Variants in NYAP2 observed in about 807,000 individuals in gnomAD.
The protein encoded by NYAP2 is neuronal tyrosine-phosphorylated phosphoinositide-3-kinase adapter 2.
NYAP2 carries 23 observed loss-of-function variants against 50.4 expected under a neutral mutation model. The ratio of observed to expected loss-of-function variants is 0.46; its 90% confidence interval spans 0.33 to 0.65. The LOEUF (loss-of-function observed/expected upper bound fraction) is 0.65. NYAP2 is among the 30% of genes least tolerant of loss of function. The pLI, the probability that NYAP2 is intolerant of heterozygous loss-of-function variation, is 0.02. For missense variants in NYAP2, 885 were observed against 861.0 expected (o/e 1.03, Z -0.35); for synonymous variants, 394 against 365.2 (o/e 1.08, Z -0.90).
chr2:225,431,048 A>G (rs933689273), intron 3 of NYAP2, among the ~76,000 whole-genome samples: 1 of 152,232 alleles, frequency 6.6e-6, no homozygotes, highest in African/African-American at 2.4e-5. Context: ...TCTCCAAATT[A>G]TTACATCATT....
At chr2:225,423,967 T>C (rs1332428120) in intron 3 of NYAP2, among the ~76,000 whole-genome samples, 1 of 152,168 alleles carries the variant, frequency 6.6e-6, no homozygotes, top group Non-Finnish European at 1.5e-5. Flanking sequence ...TTTTCTAAGA[T>C]AAAGATGCAG....
chr2:225,662,538 A>AG, the NYAP2 span, among the ~76,000 whole-genome samples: 1 of 152,372 alleles, frequency 6.6e-6, no homozygotes, highest in East Asian at 1.9e-4. Flanking sequence ...TTAAAGTGGG[A>AG]GGGGGGAACC....
Position 225,622,571 on chromosome 2 carries a change from C to A in NYAP2, c.1619-4346C>A, listed in dbSNP as rs867190914. The stretch of plus-strand genomic sequence containing the variant: ...TTTCTTTCTTTCTTTTTCTTTCTTT[C>A]TTTCTTTCTTCTTTCTTTTTTTTTT... On this transcript the variant is annotated intron_variant, in intron 5 of 6. Coordinates refer to ENST00000636099, the Ensembl canonical transcript of NYAP2. Among the ~76,000 whole-genome samples the A allele has an allele frequency of 3.2e-3, 185 of 57,096 alleles. 2 individuals are homozygous for A. Among genetic ancestry groups the A allele is most frequent in the African/African-American group, 9.7e-3 (180 of 18,478 alleles). The allele number at this position is 57,096 out of a possible 152,430, so 37.5% of individuals were successfully genotyped here.
chr2:225,568,933 T>C (rs1692013443), intron 4 of NYAP2, among the ~76,000 whole-genome samples: 1 of 152,076 alleles, frequency 6.6e-6, no homozygotes. Context: ...AAAAGGGAGA[T>C]AAGAGAAAAG....
intron 4 of NYAP2, among the ~76,000 whole-genome samples, chr2:225,527,939 A>C (rs1019819890): frequency 2.6e-5 from 4 of 152,156 alleles, no homozygotes; most frequent in African/African-American, 7.2e-5. Flanking sequence ...GAGCCACTGC[A>C]CTGGGCCTAA....
chr2:225,649,762 T>C (rs1693697808), intron 6 of NYAP2, among the ~76,000 whole-genome samples: 1 of 152,178 alleles, frequency 6.6e-6, no homozygotes, highest in Non-Finnish European at 1.5e-5. Context: ...TCTGGCAAGT[T>C]CCTGGCACAT....
At chr2:225,425,652 A>G (rs1272815755) in intron 3 of NYAP2, among the ~76,000 whole-genome samples, 2 of 152,210 alleles carry the variant, frequency 1.3e-5, no homozygotes, top group Non-Finnish European at 2.9e-5. Flanking sequence ...GTTTAAAAAT[A>G]CACTTCTTTT....
intron 5 of NYAP2, among the ~76,000 whole-genome samples, chr2:225,624,727 T>TA (rs1305520061): frequency 1.3e-5 from 2 of 152,254 alleles, no homozygotes; most frequent in Non-Finnish European, 2.9e-5. Context: ...TACTACTTTT[T>TA]ATGTGTCTGG....
At chr2:225,659,626 T>C in the NYAP2 span, among the ~76,000 whole-genome samples, 6 of 152,164 alleles carry the variant, frequency 3.9e-5, no homozygotes, top group African/African-American at 1.4e-4. Context: ...AAACCTGAGA[T>C]AGACAAAAAC....
At chr2:225,554,471 C>A (rs576377574) in intron 4 of NYAP2, among the ~76,000 whole-genome samples, 17 of 152,064 alleles carry the variant, frequency 1.1e-4, no homozygotes, top group Admixed American at 9.2e-4. Flanking sequence ...CAGGTGGGCA[C>A]TACCACACAT....
chr2:225,615,772 T>C (rs1165226425), intron 5 of NYAP2, among the ~76,000 whole-genome samples: 1 of 152,118 alleles, frequency 6.6e-6, no homozygotes, highest in African/African-American at 2.4e-5. Context: ...ACAGAGAAGT[T>C]TACCTACAAG....
chr2:225,438,456 T>A (rs1420870941), intron 3 of NYAP2, among the ~76,000 whole-genome samples: 1 of 152,252 alleles, frequency 6.6e-6, no homozygotes, highest in East Asian at 1.9e-4. Context: ...CACTGAGCCC[T>A]GCAAGTATTG....
At position 225,579,020 on chromosome 2, in the gene NYAP2, C is replaced by T. The variant is rs114615125; in HGVS notation, c.524-2921C>T. On this transcript the variant is annotated intron_variant, in intron 4 of 6. Coordinates refer to ENST00000636099, the Ensembl canonical transcript of NYAP2. ...CTGATGCTTTCTCTCTGTTCTCATA[C>T]GGCATGCACGTGCACGCACACACAC... Among the ~76,000 whole-genome samples the T allele has an allele frequency of 1.8e-3, 277 of 152,014 alleles. 1 individual carries two copies. Among genetic ancestry groups the T allele is most frequent in the African/African-American group, 6.4e-3 (266 of 41,456 alleles).
intron 3 of NYAP2, among the ~76,000 whole-genome samples, chr2:225,428,127 G>T (rs1695312963): frequency 1.3e-5 from 2 of 152,178 alleles, no homozygotes; most frequent in African/African-American, 2.4e-5. Context: ...GTACGAGAGA[G>T]TAGGTCCCTG....
chr2:225,696,001 A>C, the NYAP2 span, among the ~76,000 whole-genome samples: 1 of 151,920 alleles, frequency 6.6e-6, no homozygotes, highest in Non-Finnish European at 1.5e-5. Flanking sequence ...ACTTTGATTT[A>C]ATTATTTCAT....
At chr2:225,589,913 T>C (rs997858476) in intron 5 of NYAP2, among the ~76,000 whole-genome samples, 3 of 152,088 alleles carry the variant, frequency 2.0e-5, no homozygotes, top group East Asian at 1.9e-4. Context: ...ACTGCCCACA[T>C]GCAGGCATGT....
chr2:225,423,609 G>T (rs1695246296), intron 3 of NYAP2, among the ~76,000 whole-genome samples: 1 of 152,142 alleles, frequency 6.6e-6, no homozygotes, highest in Non-Finnish European at 1.5e-5. Context: ...GTGGCCTGGT[G>T]TTCGCCTAGA....
chr2:225,638,287 A>G (rs994128988), intron 6 of NYAP2, among the ~76,000 whole-genome samples: 1 of 151,816 alleles, frequency 6.6e-6, no homozygotes, highest in Admixed American at 6.6e-5. Flanking sequence ...TGTCTCCAGC[A>G]GTGGAAAGTC....
At chr2:225,427,865 T>A (rs929073052) in intron 3 of NYAP2, among the ~76,000 whole-genome samples, 3 of 152,170 alleles carry the variant, frequency 2.0e-5, no homozygotes, top group African/African-American at 7.2e-5. Context: ...TTTGCTGGTG[T>A]CTCTGGAAGA....
Sources: gnomAD v4.1 joint callset for allele counts (sites outside exome capture counted in the v4.1 genomes callset) on GRCh38, gnomAD v4.1.1 for gene constraint, MANE v1.5 for transcripts, NCBI Gene and HGNC (gene_info 2026-07-23, HGNC 2026-07-21) for gene names.